The following RSU1 variants were observed in gnomAD, a reference collection of about 807,000 sequenced individuals.
The protein encoded by RSU1 is Ras suppressor protein 1, also known as rsu-1.
RSU1 carries 26 observed loss-of-function variants against 31.1 expected under a neutral mutation model. The observed-to-expected ratio is 0.84, with a 90% CI of 0.61 to 1.16. The LOEUF (loss-of-function observed/expected upper bound fraction) is 1.16. Among genes scored for constraint, RSU1 ranks in the 50% most tolerant of loss-of-function variants. RSU1 has a pLI of 0.00. For missense variants in RSU1, 320 were observed against 339.1 expected (o/e 0.94, Z 0.44); for synonymous variants, 164 against 136.3 (o/e 1.20, Z -1.41).
chr10:16,669,111 C>A (rs1394604277), intron 8 of RSU1, among the ~76,000 whole-genome samples: 1 of 152,094 alleles, frequency 6.6e-6, no homozygotes, highest in African/African-American at 2.4e-5. Context: ...AACATTTATA[C>A]AAATGTTAGA....
intron 7 of RSU1, among the ~76,000 whole-genome samples, chr10:16,720,693 G>A (rs1226899879): frequency 1.3e-5 from 2 of 152,232 alleles, no homozygotes; most frequent in Non-Finnish European, 2.9e-5. Flanking sequence ...TTGTGTGTAT[G>A]TGCATATGTG....
At chr10:16,744,400 A>G (rs2131613096) in intron 7 of RSU1, among the ~76,000 whole-genome samples, 1 of 152,334 alleles carries the variant, frequency 6.6e-6, no homozygotes, top group African/African-American at 2.4e-5. Flanking sequence ...GGGAGAATAA[A>G]AAAAATCCCC....
intron 8 of RSU1, among the ~76,000 whole-genome samples, chr10:16,632,904 C>T (rs1834277932): frequency 6.6e-6 from 1 of 152,054 alleles, no homozygotes; most frequent in African/African-American, 2.4e-5. Context: ...AAGATCATGC[C>T]ACTGCACTCC....
chr10:16,769,038 T>C (rs1678755242), intron 3 of RSU1, among the ~76,000 whole-genome samples: 2 of 152,238 alleles, frequency 1.3e-5, no homozygotes, highest in African/African-American at 2.4e-5. Flanking sequence ...GCACCACTGA[T>C]GCACATTCAC....
rs371849773 is a variant in RSU1 at position 16,782,057 on chromosome 10, A to G, written c.137T>C (p.Val46Ala). The change falls in exon 3 of 9, where the codon GTC (valine) becomes GCC (alanine). Residue 46 changes from valine (V) to alanine (A), a missense_variant. Val to Ala is a moderately conservative substitution (Grantham distance 64). Transcript: ENST00000345264. Reference protein sequence around the residue: ...LFTLSHITQLVLSHNKLTMVP... With the variant: ...LFTLSHITQLALSHNKLTMVP... ...ACTTGTTAGCTTGTTATGGCTGAGG[A>G]CCAGTTGTGTGATATGGGATAAGGT... 1 of 1,613,274 alleles carries G rather than the reference A, an allele frequency of 6.2e-7. No individual in the cohort carries two copies. The highest frequency in any genetic ancestry group is 1.3e-5 in the African/African-American group (1 of 74,840).
intron 8 of RSU1, among the ~76,000 whole-genome samples, chr10:16,683,160 G>GGTGTGTGGTGTGTGTGTGTGTGTGTGT (rs1554766311): frequency 3.5e-5 from 5 of 143,450 alleles, no homozygotes; most frequent in African/African-American, 1.3e-4. Context: ...ATGGGTGTGT[G>GGTGTGTGGTGTGTGTGTGTGTGTGTGT]GTGTGTGTGT....
chr10:16,730,022 C>A (rs181744053), intron 7 of RSU1, among the ~76,000 whole-genome samples: 1,783 of 152,272 alleles, frequency 0.012, 17 homozygotes, highest in Non-Finnish European at 0.017. Context: ...AAGCATGGCG[C>A]CAGCATCTGC....
chr10:16,807,072 G>A (rs557950926), intron 2 of RSU1, among the ~76,000 whole-genome samples: 20 of 152,322 alleles, frequency 1.3e-4, no homozygotes, highest in Admixed American at 1.0e-3. Flanking sequence ...GCAGGCATGA[G>A]CCACTGCGCC....
chr10:16,720,529 A>G (rs754151466), intron 7 of RSU1, among the ~76,000 whole-genome samples: 8 of 152,378 alleles, frequency 5.3e-5, no homozygotes, highest in Middle Eastern at 3.4e-3. Context: ...TTTTATAGTT[A>G]AACTCAGGGT....
In RSU1 at chr10:16,673,725, G is replaced by T. The variant is rs181383845; in HGVS notation, c.731+21298C>A. ...GCAGCACACAGATGCTTCTCAATGGGGCTGATCAGGAGACCTCTGGCACCC... is the reference window on the plus strand; with the variant it reads ...GCAGCACACAGATGCTTCTCAATGGTGCTGATCAGGAGACCTCTGGCACCC... On this transcript the variant is annotated intron_variant, in intron 8 of 8. Transcript: ENST00000345264. 3.3e-3 allele frequency among the ~76,000 whole-genome samples: 496 copies of T among 152,280 alleles called. 2 individuals are homozygous for T. Among genetic ancestry groups the T allele is most frequent in the African/African-American group, 0.011 (476 of 41,556 alleles).
At chr10:16,763,389 T>G (rs1837247155) in intron 4 of RSU1, among the ~76,000 whole-genome samples, 1 of 152,126 alleles carries the variant, frequency 6.6e-6, no homozygotes, top group Admixed American at 6.5e-5. Context: ...TGCAGGAGTA[T>G]GCTTATTACA....
At chr10:16,632,994 T>C (rs1160632295) in intron 8 of RSU1, among the ~76,000 whole-genome samples, 2 of 152,168 alleles carry the variant, frequency 1.3e-5, no homozygotes, top group African/African-American at 4.8e-5. Context: ...ATGGTCCTAC[T>C]GGTTGGCTAT....
rs144108100 is a variant in RSU1 at position 16,726,336 on chromosome 10, C to T, written c.598+26203G>A. Among the ~76,000 whole-genome samples, 52 of 147,172 alleles carry T rather than the reference C, an allele frequency of 3.5e-4. No homozygotes were observed. In the East Asian group the frequency reaches 8.0e-3, roughly 23 times the overall value. The stretch of plus-strand genomic sequence containing the variant: ...AGGTTAGAGTGCAGTGGCGCAATCT[C>T]GGCTCACTACAACCTCAGCCTCCCA... On this transcript the variant is annotated intron_variant, in intron 7 of 8. Coordinates refer to ENST00000345264, the MANE Select transcript of RSU1 (RefSeq NM_012425.4).
intron 7 of RSU1, among the ~76,000 whole-genome samples, chr10:16,695,693 A>G (rs1335982847): frequency 6.6e-6 from 1 of 152,238 alleles, no homozygotes; most frequent in East Asian, 1.9e-4. Context: ...TGGCAGTGAT[A>G]AAGACTAATT....
intron 7 of RSU1, among the ~76,000 whole-genome samples, chr10:16,704,436 C>T (rs973029285): frequency 6.6e-6 from 1 of 152,174 alleles, no homozygotes; most frequent in Non-Finnish European, 1.5e-5. Flanking sequence ...AGTAGGCAGC[C>T]AGGCAGGTAT....
At chr10:16,753,300 A>G (rs1022993541) in intron 5 of RSU1, among the ~76,000 whole-genome samples, 10 of 152,250 alleles carry the variant, frequency 6.6e-5, no homozygotes, top group Non-Finnish European at 5.9e-5. Flanking sequence ...TATACTTCTC[A>G]TAGATTACTT....
At chr10:16,683,966 A>C (rs1835388387) in intron 8 of RSU1, among the ~76,000 whole-genome samples, 1 of 152,240 alleles carries the variant, frequency 6.6e-6, no homozygotes, top group Non-Finnish European at 1.5e-5. Flanking sequence ...ATAGAAAGGA[A>C]ATGCTCAGGT....
chr10:16,737,705 T>C (rs1356240084), intron 7 of RSU1, among the ~76,000 whole-genome samples: 1 of 151,614 alleles, frequency 6.6e-6, no homozygotes, highest in Non-Finnish European at 1.5e-5. Flanking sequence ...CGGCAGTCAA[T>C]GTGAAAAACT....
chr10:16,791,616 AG>A (rs1467954175), intron 2 of RSU1, among the ~76,000 whole-genome samples: 1 of 149,918 alleles, frequency 6.7e-6, no homozygotes, highest in African/African-American at 2.5e-5. Flanking sequence ...CGACAGAGCG[AG>A]ACTCCGTCTC....
Sources: gnomAD v4.1 joint callset for allele counts (sites outside exome capture counted in the v4.1 genomes callset) on GRCh38, gnomAD v4.1.1 for gene constraint, MANE v1.5 for transcripts, NCBI Gene and HGNC (gene_info 2026-07-23, HGNC 2026-07-21) for gene names.